The following NAA11 variants were observed in gnomAD, a reference collection of about 807,000 sequenced individuals.
NAA11 encodes N-alpha-acetyltransferase 11, NatA catalytic subunit, also known as N-alpha-acetyltransferase 11.
A neutral mutation model predicts 16.1 loss-of-function variants in NAA11; 15 were observed. That is an observed-to-expected ratio of 0.93 (90% CI 0.62 to 1.44). NAA11 has a LOEUF of 1.44. Among genes scored for constraint, NAA11 ranks in the 40% most tolerant of loss-of-function variants. The pLI, the probability that NAA11 is intolerant of heterozygous loss-of-function variation, is 0.00. For synonymous variants in NAA11, 122 were observed against 112.4 expected (o/e 1.09, Z -0.54); for missense variants, 298 against 291.3 (o/e 1.02, Z -0.17).
intron 2 of NAA11, among the ~76,000 whole-genome samples, chr4:79,239,017 A>G (rs1721632801): frequency 6.6e-6 from 1 of 152,200 alleles, no homozygotes; most frequent in African/African-American, 2.4e-5. Flanking sequence ...CTTCCATGGC[A>G]GGAGCCATAG....
At chr4:79,282,635 CAAG>C (rs1722820398) in intron 2 of NAA11, among the ~76,000 whole-genome samples, 1 of 151,842 alleles carries the variant, frequency 6.6e-6, no homozygotes, top group Non-Finnish European at 1.5e-5. Context: ...TTTAAAAAAA[CAAG>C]GAGGAAGATA....
chr4:79,241,288 G>T (rs1005422538), intron 2 of NAA11, among the ~76,000 whole-genome samples: 1 of 152,110 alleles, frequency 6.6e-6, no homozygotes, highest in East Asian at 1.9e-4. Flanking sequence ...TTTATTGTGA[G>T]AATGCAGTAT....
intron 2 of NAA11, among the ~76,000 whole-genome samples, chr4:79,246,376 C>A (rs1578160619): frequency 1.8e-5 from 2 of 114,176 alleles, no homozygotes; most frequent in African/African-American, 3.7e-5. Context: ...TCAATAAATA[C>A]TAAAAAAAAA....
At chr4:79,280,309 T>A (rs1351655350) in intron 2 of NAA11, among the ~76,000 whole-genome samples, 2 of 152,016 alleles carry the variant, frequency 1.3e-5, no homozygotes, top group African/African-American at 4.8e-5. Flanking sequence ...CAGGAATCAC[T>A]GTGCCCTCCC....
the NAA11 span, among the ~76,000 whole-genome samples, chr4:79,198,094 T>C: frequency 6.6e-6 from 1 of 151,974 alleles, no homozygotes; most frequent in Admixed American, 6.6e-5. Flanking sequence ...ATTTCCCAAG[T>C]AGTTTGTTAA....
chr4:79,215,991 C>T, the NAA11 span, among the ~76,000 whole-genome samples: 2 of 152,060 alleles, frequency 1.3e-5, no homozygotes, highest in Non-Finnish European at 2.9e-5. Flanking sequence ...TCATAATCAT[C>T]AAAAGAAAAT....
intron 1 of NAA11, among the ~76,000 whole-genome samples, chr4:79,322,993 A>T (rs1472517197): frequency 6.6e-6 from 1 of 152,228 alleles, no homozygotes; most frequent in Non-Finnish European, 1.5e-5. Flanking sequence ...GCAAAAAAAA[A>T]GTCCATTTAT....
intron 2 of NAA11, among the ~76,000 whole-genome samples, chr4:79,265,796 T>C (rs1399671360): frequency 2.6e-5 from 4 of 152,130 alleles, no homozygotes; most frequent in African/African-American, 9.7e-5. Context: ...TAAATTTTTT[T>C]GTAGAGATGA....
the NAA11 span, among the ~76,000 whole-genome samples, chr4:79,194,150 C>T: frequency 2.0e-5 from 3 of 152,184 alleles, no homozygotes; most frequent in East Asian, 5.8e-4. Flanking sequence ...TCTAGATATA[C>T]AATCATGTCA....
rs781256858 is a variant in NAA11, at chr4:79,325,433, G to A, written c.445C>T (p.Arg149Trp). 94 of 1,614,036 alleles carry A rather than the reference G, an allele frequency of 5.8e-5. No individual in the cohort carries two copies. The highest frequency in any genetic ancestry group is 6.9e-5 in the Non-Finnish European group (81 of 1,180,038). ...TCATCTGCCATCTGCGAGAGATCCC[G>A]CTTCATAGCATAAGCATCTTCCCCA... Reference protein sequence around the residue: ...ADGEDAYAMKRDLSQMADELR... With the variant: ...ADGEDAYAMKWDLSQMADELR... Residue 149 changes from arginine (R) to tryptophan (W), a missense_variant, in exon 1 of 2, where the codon CGG becomes TGG. Coordinates refer to ENST00000286794, the MANE Select transcript of NAA11 (RefSeq NM_032693.3).
chr4:79,190,899 A>C, the NAA11 span, among the ~76,000 whole-genome samples: 1 of 151,862 alleles, frequency 6.6e-6, no homozygotes, highest in Non-Finnish European at 1.5e-5. Flanking sequence ...TTTAGCTTCC[A>C]CTTGTAAGTG....
At chr4:79,260,344 G>A (rs530005987) in intron 2 of NAA11, among the ~76,000 whole-genome samples, 1 of 152,290 alleles carries the variant, frequency 6.6e-6, no homozygotes, top group South Asian at 2.1e-4. Flanking sequence ...GAGGATCTTG[G>A]AAGGTGGAAA....
intron 2 of NAA11, among the ~76,000 whole-genome samples, chr4:79,273,276 A>C (rs559845592): frequency 6.6e-6 from 1 of 152,158 alleles, no homozygotes; most frequent in African/African-American, 2.4e-5. Context: ...TTTTTAGTTA[A>C]TATAGCTTTG....
the NAA11 span, among the ~76,000 whole-genome samples, chr4:79,169,366 C>G: frequency 6.6e-6 from 1 of 152,102 alleles, no homozygotes; most frequent in Non-Finnish European, 1.5e-5. Flanking sequence ...TACTACAAGG[C>G]TACAGTAACC....
At chr4:79,243,459 G>A (rs1007887313) in intron 2 of NAA11, among the ~76,000 whole-genome samples, 9 of 152,258 alleles carry the variant, frequency 5.9e-5, no homozygotes, top group African/African-American at 7.2e-5. Flanking sequence ...AAATTATCTC[G>A]TTCATTTTTT....
At chr4:79,309,224 T>A (rs992303669) in intron 1 of NAA11, among the ~76,000 whole-genome samples, 3 of 152,194 alleles carry the variant, frequency 2.0e-5, no homozygotes, top group Non-Finnish European at 4.4e-5. Flanking sequence ...GTCAAGATGA[T>A]TTCTTGGAGA....
At chr4:79,228,292 A>G (rs1400246440) in intron 2 of NAA11, among the ~76,000 whole-genome samples, 1 of 152,060 alleles carries the variant, frequency 6.6e-6, no homozygotes, top group Non-Finnish European at 1.5e-5. Flanking sequence ...CAGCTACCAT[A>G]CAACTCTGAC....
At chr4:79,320,181 A>G (rs1724050653) in intron 1 of NAA11, among the ~76,000 whole-genome samples, 1 of 152,048 alleles carries the variant, frequency 6.6e-6, no homozygotes, top group African/African-American at 2.4e-5. Flanking sequence ...CTCCCAAGAA[A>G]CTCTGCCGTT....
At chr4:79,210,755 C>A in the NAA11 span, among the ~76,000 whole-genome samples, 1 of 151,908 alleles carries the variant, frequency 6.6e-6, no homozygotes, top group African/African-American at 2.4e-5. Context: ...AAGACTCCGT[C>A]TCAAAAAAAG....
Sources: gnomAD v4.1 joint callset for allele counts (sites outside exome capture counted in the v4.1 genomes callset) on GRCh38, gnomAD v4.1.1 for gene constraint, MANE v1.5 for transcripts, NCBI Gene and HGNC (gene_info 2026-07-23, HGNC 2026-07-21) for gene names.